MAMLD1: variants seen among roughly 807,000 people sequenced by gnomAD.
MAMLD1 encodes the protein mastermind-like domain-containing protein 1.
In MAMLD1, 14 loss-of-function variants were observed where a neutral mutation model predicts 45.0. The observed-to-expected ratio is 0.31, with a 90% CI of 0.21 to 0.49. The LOEUF (loss-of-function observed/expected upper bound fraction) is 0.49. Ranked by LOEUF, MAMLD1 falls within the 20% of genes least tolerant of loss-of-function variation. The pLI, the probability that MAMLD1 is intolerant of heterozygous loss-of-function variation, is 0.99. For synonymous variants in MAMLD1, 254 were observed against 247.8 expected (o/e 1.02, Z -0.24); for missense variants, 543 against 603.6 (o/e 0.90, Z 1.05).
intron 1 of MAMLD1, among the ~76,000 whole-genome samples, chrX:150,432,659 A>G (rs781809505): frequency 8.9e-6 from 1 of 112,227 alleles, no homozygotes; most frequent in African/African-American, 3.2e-5. Flanking sequence ...TCCCAGCACC[A>G]TGTACTGAAT....
chrX:150,365,329 G>T (rs1490798637), intron 1 of MAMLD1, among the ~76,000 whole-genome samples: 7 of 111,552 alleles, frequency 6.3e-5, no homozygotes, highest in Non-Finnish European at 1.1e-4. Flanking sequence ...GAAGGCGCAC[G>T]GAGCCTCAGC....
chrX:150,367,807 G>A (rs1258139161), intron 1 of MAMLD1, among the ~76,000 whole-genome samples: 1 of 109,962 alleles, frequency 9.1e-6, no homozygotes. Context: ...AGAACATGCG[G>A]TGTTTGGTTT....
In MAMLD1 at chrX:150,384,037, T is replaced by C. The variant is rs781867952; in HGVS notation, c.-64+20507T>C. ...CAGTTGATAGAAATTTGAGCTGTTA[T>C]CACTTTTTGATTCTTATGAATAATG... On this transcript the variant is annotated intron_variant, in intron 1 of 7. Transcript: ENST00000370401. 7.1e-5 allele frequency among the ~76,000 whole-genome samples: 8 copies of C among 112,097 alleles called. No individual in the cohort carries two copies. In the South Asian group the frequency reaches 1.1e-3, roughly 16 times the overall value.
chrX:150,483,015 C>T lies in MAMLD1; in HGVS notation c.2040+9213C>T, dbSNP rs782500466. On this transcript the variant is annotated intron_variant, in intron 5 of 7. Transcript: ENST00000370401. ...GAGTAATACAGGAGCCGACAGAATGCTGCTAGTGACTCGCCATCTCTGACT... is the reference window on the plus strand; with the variant it reads ...GAGTAATACAGGAGCCGACAGAATGTTGCTAGTGACTCGCCATCTCTGACT... 6.2e-5 allele frequency among the ~76,000 whole-genome samples: 7 copies of T among 112,268 alleles called. No homozygotes were observed. In the South Asian group the frequency reaches 1.9e-3, roughly 30 times the overall value.
At chrX:150,468,997 G>GTA (rs2036316713) in intron 3 of MAMLD1, among the ~76,000 whole-genome samples, 1 of 110,296 alleles carries the variant, frequency 9.1e-6, no homozygotes, top group Non-Finnish European at 1.9e-5. Flanking sequence ...GTGTGTGTGT[G>GTA]TGTGTGTGTA....
intron 2 of MAMLD1, among the ~76,000 whole-genome samples, chrX:150,446,554 C>A (rs2035493633): frequency 8.9e-6 from 1 of 112,518 alleles, no homozygotes; most frequent in African/African-American, 3.2e-5. Flanking sequence ...TGATTGAAAT[C>A]TTGTTTTCTC....
intron 1 of MAMLD1, among the ~76,000 whole-genome samples, chrX:150,377,560 G>A (rs782440748): frequency 2.7e-5 from 3 of 111,327 alleles, no homozygotes; most frequent in Non-Finnish European, 5.7e-5. Flanking sequence ...TTGTCCTGCT[G>A]TTTCTTAGAA....
At chrX:150,398,337 A>AGAAGAAGAAGAGGAAGAG (rs2033588884) in intron 1 of MAMLD1, among the ~76,000 whole-genome samples, 14 of 52,301 alleles carry the variant, frequency 2.7e-4, no homozygotes, top group Non-Finnish European at 4.2e-4. Flanking sequence ...AAGAAGAAGA[A>AGAAGAAGAAGAGGAAGAG]GAAGAGGAAG....
At chrX:150,430,251 G>A (rs1157545040) in intron 1 of MAMLD1, among the ~76,000 whole-genome samples, 1 of 109,298 alleles carries the variant, frequency 9.1e-6, no homozygotes, top group Non-Finnish European at 1.9e-5. Context: ...CCTGACCTCA[G>A]GTGATCCACT....
At chrX:150,395,231 G>A (rs782002336) in intron 1 of MAMLD1, among the ~76,000 whole-genome samples, 7 of 111,682 alleles carry the variant, frequency 6.3e-5, no homozygotes, top group Admixed American at 1.9e-4. Flanking sequence ...GATGGATGAC[G>A]TTAATTGGTT....
Position 150,471,028 on chromosome X carries a change from C to T in MAMLD1, c.1455C>T (p.Pro485=), listed in dbSNP as rs2036404138. Residue 485 remains proline (P), a synonymous_variant, in exon 4 of 8, where the codon CCC becomes CCT. Transcript: ENST00000370401. ...GTTCCCTGATCCGAAGCCTCACTCC[C>T]ACCAGTAATCTTCTAAGCCAGCAAC... ...PQCSLIRSLT[P]TSNLLSQQQQ... is the part of the protein sequence containing the mutation. 8.3e-7 allele frequency: 1 copy of T among 1,210,216 alleles called. No homozygotes were observed. The highest frequency in any genetic ancestry group is 1.1e-6 in the Non-Finnish European group (1 of 895,332).
rs2033918056 is a variant in MAMLD1 at position 150,403,972 on chromosome X, G to GAAAGAAAGAAAGAAAGAAAGAA, written c.-64+40444_-64+40465dup. 8.6e-4 allele frequency among the ~76,000 whole-genome samples: 77 copies of GAAAGAAAGAAAGAAAGAAAGAA among 89,585 alleles called. 1 individual carries two copies. Among genetic ancestry groups the GAAAGAAAGAAAGAAAGAAAGAA allele is most frequent in the African/African-American group, 3.1e-3 (63 of 20,448 alleles). 77.8% of individuals were successfully genotyped at this position (89,585 alleles called of 115,157 possible). On this transcript the variant is annotated intron_variant, in intron 1 of 7. Transcript: ENST00000370401. ...AGAAAGAAAGAAAGAAAGAAAGAAA[G>GAAAGAAAGAAAGAAAGAAAGAA]AAAGAAAGAAAGAAAGAAAGAAAGA... is the stretch of plus-strand genomic sequence containing the variant.
intron 5 of MAMLD1, among the ~76,000 whole-genome samples, chrX:150,493,896 A>G (rs1166911486): frequency 8.9e-6 from 1 of 112,487 alleles, no homozygotes; most frequent in Non-Finnish European, 1.9e-5. Flanking sequence ...ATAATACAAT[A>G]TATAAACATT....
intron 1 of MAMLD1, 70 bp from the exon 2 acceptor site, chrX:150,445,384 G>A: frequency 1.9e-6 from 1 of 517,513 alleles, no homozygotes; most frequent in South Asian, 2.6e-5. Context: ...CAGAGTGAAA[G>A]TCTGTGATTC....
intron 1 of MAMLD1, among the ~76,000 whole-genome samples, chrX:150,394,106 G>A (rs2033305122): frequency 1.2e-5 from 1 of 86,214 alleles, no homozygotes. Flanking sequence ...TTTTGTGAGG[G>A]GTGTAAGGTC....
At chrX:150,411,405 C>T (rs1298238747) in intron 1 of MAMLD1, among the ~76,000 whole-genome samples, 2 of 112,200 alleles carry the variant, frequency 1.8e-5, no homozygotes, top group Non-Finnish European at 3.8e-5. Context: ...GATGGCCCCC[C>T]ACCCCAACTC....
chrX:150,411,208 T>G (rs1195945005), intron 1 of MAMLD1, among the ~76,000 whole-genome samples: 1 of 111,727 alleles, frequency 9.0e-6, no homozygotes, highest in Non-Finnish European at 1.9e-5. Flanking sequence ...TGGAAGGAAG[T>G]CAGAGGCAGC....
intron 1 of MAMLD1, among the ~76,000 whole-genome samples, chrX:150,375,148 G>A (rs1372184199): frequency 1.8e-5 from 2 of 111,261 alleles, no homozygotes; most frequent in African/African-American, 3.3e-5. Context: ...GCAAGGCCAC[G>A]AGGGCTCATA....
rs1488319619 is a variant in MAMLD1, at chrX:150,489,318, G to C, written c.2041-13956G>C. Among the ~76,000 whole-genome samples, 6 of 110,720 alleles carry C rather than the reference G, an allele frequency of 5.4e-5. No individual in the cohort carries two copies. In the East Asian group the frequency reaches 1.7e-3, roughly 32 times the overall value. On this transcript the variant is annotated intron_variant, in intron 5 of 7. Transcript: ENST00000370401. ...AAGACACTGGCAGATTCAGTGTCTG[G>C]TGAGAGCTCTCTTCCTGATTAGTAG...
Sources: allele counts gnomAD v4.1 joint callset (sites outside exome capture counted in the v4.1 genomes callset), GRCh38; gene constraint gnomAD v4.1.1; transcripts MANE v1.5; gene names NCBI Gene and HGNC (gene_info 2026-07-23, HGNC 2026-07-21).